The following TAPBP variants were observed in gnomAD, a reference collection of about 807,000 sequenced individuals.
TAPBP encodes the protein tapasin.
In TAPBP, 38 loss-of-function variants were observed where a neutral mutation model predicts 45.7. The ratio of observed to expected loss-of-function variants is 0.83; its 90% CI spans 0.64 to 1.09. The LOEUF is 1.09. Ranked by LOEUF, TAPBP falls within the 50% of genes least tolerant of loss-of-function variation. The pLI, the probability that TAPBP is intolerant of heterozygous loss-of-function variation, is 0.00. For missense variants in TAPBP, 513 were observed against 587.3 expected (o/e 0.87, Z 1.31); for synonymous variants, 226 against 254.8 (o/e 0.89, Z 1.08).
rs1398761766 is a variant in TAPBP at position 33,301,028 on chromosome 6, A to G, written c.*732T>C. The stretch of plus-strand genomic sequence containing the variant: ...CTATAAGTGTACAGTGGAGTTTTTC[A>G]GAAGCTACATGATATGTATTGACAC... On this transcript the variant is annotated 3_prime_UTR_variant, in exon 8 of 8. Coordinates refer to ENST00000434618, the MANE Select transcript of TAPBP (RefSeq NM_003190.5). 1 of 151,836 alleles carries G rather than the reference A, an allele frequency of 6.6e-6. No homozygotes were observed. Among genetic ancestry groups the G allele is most frequent in the East Asian group, 1.9e-4 (1 of 5,180 alleles). 9.4% of individuals were successfully genotyped at this position (151,836 alleles called of 1,614,324 possible).
chr6:33,311,829 T>A (rs1769363949), intron 3 of TAPBP, among the ~76,000 whole-genome samples: 1 of 152,094 alleles, frequency 6.6e-6, no homozygotes, highest in African/African-American at 2.4e-5. Context: ...AGAGTCTACA[T>A]CAGATCATCT....
rs1768462742 is a variant in TAPBP at position 33,300,391 on chromosome 6, G to T, written c.*1369C>A. The T allele has an allele frequency of 6.6e-6, 1 of 152,438 alleles. No individual in the cohort carries two copies. Among genetic ancestry groups the T allele is most frequent in the Non-Finnish European group, 1.5e-5 (1 of 68,130 alleles). The allele number at this position is 152,438 out of a possible 1,614,324, so 9.4% of individuals were successfully genotyped here. On this transcript the variant is annotated 3_prime_UTR_variant, in exon 8 of 8. Coordinates refer to ENST00000434618, the MANE Select transcript of TAPBP (RefSeq NM_003190.5). ...ATATCGTGTTTCGCCGCCGGGCGCG[G>T]TGGCTCACGCCTGTAATCCCAGCAC...
rs1193229051 is a variant in TAPBP, at chr6:33,305,363, G to C, written c.494C>G (p.Thr165Ser). The part of the protein sequence containing the change: ...ATVVLTVLTH[T>S]PAPRVRLGQD... ...TCCCAGTCTCACTCGAGGGGCAGGG[G>C]TGTGGGTGAGGACAGTCAGTACCAC... Residue 165 changes from threonine to serine, a missense_variant, in exon 4 of 8, where the codon ACC becomes AGC. Physicochemically the swap from Thr to Ser is moderately conservative, Grantham distance 58. Transcript: ENST00000434618. The surrounding 1 kb of genome is among the most constrained non-coding windows in gnomAD (Gnocchi z 4.4). 6.5e-7 allele frequency: 1 copy of C among 1,533,126 alleles called. No individual in the cohort carries two copies. The highest frequency in any genetic ancestry group is 1.3e-5 in the South Asian group (1 of 76,988). The allele number at this position is 1,533,126 out of a possible 1,614,324, so 95.0% of individuals were successfully genotyped here. A position where few individuals can be genotyped will look rare whatever the true frequency, so the allele number is the denominator to read the frequency against.
rs1393648008 is a variant in TAPBP at position 33,304,157 on chromosome 6, A to T, written c.1271T>A (p.Leu424His). The T allele has an allele frequency of 3.7e-6, 6 of 1,613,322 alleles. No homozygotes were observed. The South Asian group carries it at 5.5e-5, about 15-fold the overall frequency. Residue 424 changes from leucine (L) to histidine (H), a missense_variant, in exon 6 of 8, where the codon CTT becomes CAT. Coordinates refer to ENST00000434618, the MANE Select transcript of TAPBP (RefSeq NM_003190.5). Reference protein sequence around the residue: ...VGLFLSAFLLLGLFKALGWAA... With the variant: ...VGLFLSAFLLHGLFKALGWAA... ...CCAGCCCAGTGCCTTGAAGAGCCCA[A>T]GCAGAAGAAAGGCAGACAGGAAAAG...
chr6:33,313,633 G>C lies in TAPBP; in HGVS notation c.208+61C>G, dbSNP rs1769537864. 4 of 1,575,946 alleles carry C rather than the reference G, an allele frequency of 2.5e-6. No individual in the cohort carries two copies. In the Admixed American group the frequency reaches 5.3e-5, roughly 21 times the overall value. On this transcript the variant is annotated intron_variant, in intron 2 of 7. Coordinates refer to ENST00000434618, the MANE Select transcript of TAPBP (RefSeq NM_003190.5). This position sits in a 1 kb window ranked among gnomAD's most constrained non-coding sequence, Gnocchi z 7.2. Reference sequence around the variant, plus strand: ...GCCTGAGGTCACTGCCGGATCTAAAGAGGAGGGGGTTTCGGTGGAGGCGAC... The same window carrying C: ...GCCTGAGGTCACTGCCGGATCTAAACAGGAGGGGGTTTCGGTGGAGGCGAC...
In TAPBP at chr6:33,301,762, ACT is replaced by A. The variant is rs1768606092; in HGVS notation, c.1343_1344del (p.Glu448ValfsTer24). On this transcript the variant is annotated frameshift_variant, in exon 8 of 8. Transcript: ENST00000434618. LOFTEE classifies it high-confidence loss of function. Reference protein sequence around the residue: ...STCKDSKKKAE With the variant: ...STCKDSKKKAX ...CCACAGGATGGCAGTGAGTGCCCTC[ACT>A]CTGCTTTCTGGAAGAGAGGAAGGTG... 1.2e-6 allele frequency: 2 copies of A among 1,613,920 alleles called. No homozygotes were observed. The highest frequency in any genetic ancestry group is 2.2e-5 in the East Asian group (1 of 44,898).
At chr6:33,310,379 G>A (rs920473980) in intron 3 of TAPBP, among the ~76,000 whole-genome samples, 1 of 151,264 alleles carries the variant, frequency 6.6e-6, no homozygotes, top group Non-Finnish European at 1.5e-5. Context: ...GGTGGTGGGC[G>A]CCTGTAGTCT....
rs1769553234 is a variant in TAPBP at position 33,313,726 on chromosome 6, T to G, written c.176A>C (p.Asp59Ala). ...QGPGEPPPRP[D>A]LDPELYLSVH... ...ACTGAGATAGAGCTCAGGGTCGAGG[T>G]CCGGCCGGGGCGGCGGTTCCCCCGG... The change falls in exon 2 of 8, where the codon GAC (aspartate) becomes GCC (alanine). Residue 59 changes from aspartate (D) to alanine (A), a missense_variant. Asp to Ala is a moderately radical substitution (Grantham distance 126). Transcript: ENST00000434618. This position sits in a 1 kb window ranked among gnomAD's most constrained non-coding sequence, Gnocchi z 7.2. The G allele has an allele frequency of 3.1e-6, 5 of 1,613,104 alleles. No individual in the cohort carries two copies. The highest frequency in any genetic ancestry group is 4.2e-6 in the Non-Finnish European group (5 of 1,179,858).
rs1768819704 is a variant in TAPBP, at chr6:33,304,519, A to T, written c.988T>A (p.Trp330Arg). The T allele has an allele frequency of 1.2e-6, 2 of 1,612,530 alleles. No homozygotes were observed. The highest frequency in any genetic ancestry group is 2.7e-5 in the African/African-American group (2 of 74,760). Residue 330 changes from tryptophan to arginine, a missense_variant, in exon 5 of 8, where the codon TGG becomes AGG. Transcript: ENST00000434618. ...CCCCCTGGGCCACCCCGGAGTTCCC[A>T]CTCCACCTCCAGGCCCCCAGAAGGG... is the stretch of plus-strand genomic sequence containing the variant. ...FYPSGGLEVE[W>R]ELRGGPGGRS...
intron 3 of TAPBP, among the ~76,000 whole-genome samples, chr6:33,310,752 G>C (rs1301919015): frequency 3.3e-5 from 5 of 151,588 alleles, no homozygotes; most frequent in Non-Finnish European, 5.9e-5. Context: ...CACGGAGGTG[G>C]AGGTTGCAGT....
At position 33,299,938 on chromosome 6, in the gene TAPBP, A is replaced by G. The variant is rs15604; in HGVS notation, c.*1822T>C. 7,090 of 153,462 alleles carry G rather than the reference A, an allele frequency of 0.046. 345 individuals carry two copies. The highest frequency in any genetic ancestry group is 0.12 in the African/African-American group (5,055 of 41,524). The allele number at this position is 153,462 out of a possible 1,614,324, so 9.5% of individuals were successfully genotyped here. A position where few individuals can be genotyped will look rare whatever the true frequency, so the allele number is the denominator to read the frequency against. ...GCCCATGATCCGCGGGGAGACAGGC[A>G]TTTAACGACGACTCACACGATCACT... On this transcript the variant is annotated 3_prime_UTR_variant, in exon 8 of 8. Coordinates refer to ENST00000434618, the MANE Select transcript of TAPBP (RefSeq NM_003190.5). This position sits in a 1 kb window ranked among gnomAD's most constrained non-coding sequence, Gnocchi z 5.0.
chr6:33,303,821 G>C lies in TAPBP; in HGVS notation c.1335+134C>G, dbSNP rs762033111. ...TCCTACAGTTAGGATATAGTGCCAG[G>C]TTTTAACCCAGATCAGTGTGAATTC... On this transcript the variant is annotated intron_variant, in intron 7 of 7. Transcript: ENST00000434618. The C allele has an allele frequency of 1.0e-5, 16 of 1,587,162 alleles. No homozygotes were observed. In the East Asian group the frequency reaches 3.7e-4, roughly 37 times the overall value.
intron 7 of TAPBP, among the ~76,000 whole-genome samples, chr6:33,302,832 G>A (rs1161113163): frequency 6.6e-6 from 1 of 151,502 alleles, no homozygotes; most frequent in Non-Finnish European, 1.5e-5. Context: ...TAGTAGAGAT[G>A]GGGTTTCATC....
chr6:33,306,207 C>G (rs757284216), intron 3 of TAPBP, among the ~76,000 whole-genome samples: 6 of 152,186 alleles, frequency 3.9e-5, no homozygotes, highest in Non-Finnish European at 8.8e-5. Context: ...TATAGTTACA[C>G]CTAACTTAGC....
chr6:33,313,619 C>T lies in TAPBP; in HGVS notation c.208+75G>A. 1 of 1,561,066 alleles carries T rather than the reference C, an allele frequency of 6.4e-7. No homozygotes were observed. The highest frequency in any genetic ancestry group is 8.7e-7 in the Non-Finnish European group (1 of 1,150,738). On this transcript the variant is annotated intron_variant, in intron 2 of 7. Transcript: ENST00000434618. This position sits in a 1 kb window ranked among gnomAD's most constrained non-coding sequence, Gnocchi z 7.2. Reference sequence around the variant, plus strand: ...AAGGGGAAGCTGAGGCCTGAGGTCACTGCCGGATCTAAAGAGGAGGGGGTT... The same window carrying T: ...AAGGGGAAGCTGAGGCCTGAGGTCATTGCCGGATCTAAAGAGGAGGGGGTT...
chr6:33,312,728 C>A (rs3106191), intron 3 of TAPBP, among the ~76,000 whole-genome samples: 35,877 of 152,192 alleles, frequency 0.24, 5,351 homozygotes, highest in South Asian at 0.31. Flanking sequence ...CTTTGCTTTG[C>A]GGATTGCCGC....
At position 33,301,382 on chromosome 6, in the gene TAPBP, T is replaced by G. The variant is rs1412796042; in HGVS notation, c.*378A>C. On this transcript the variant is annotated 3_prime_UTR_variant, in exon 8 of 8. Transcript: ENST00000434618. ...TGAGGTCAGGAATTCAAGACCAGCC[T>G]GGCCAACATGGTGAAACCCCGTCTC... 2 of 207,194 alleles carry G rather than the reference T, an allele frequency of 9.7e-6. No individual in the cohort carries two copies. The highest frequency in any genetic ancestry group is 2.0e-5 in the Non-Finnish European group (2 of 101,242). The allele number at this position is 207,194 out of a possible 1,614,324, so 12.8% of individuals were successfully genotyped here.
Position 33,313,103 on chromosome 6 carries a change from G to T in TAPBP, c.469+114C>A. On this transcript the variant is annotated intron_variant, in intron 3 of 7. Transcript: ENST00000434618. The surrounding 1 kb of genome is among the most constrained non-coding windows in gnomAD (Gnocchi z 7.2). ...CAAACCACCTCTCTTAACAAAAAAA[G>T]GAAACTGAACCCCGATTGGCGAAAT... 7.8e-7 allele frequency: 1 copy of T among 1,289,878 alleles called. No individual in the cohort carries two copies. Among genetic ancestry groups the T allele is most frequent in the Non-Finnish European group, 1.1e-6 (1 of 937,662 alleles). 79.9% of individuals were successfully genotyped at this position (1,289,878 alleles called of 1,614,324 possible).
rs1581757599 is a variant in TAPBP, at chr6:33,313,198, A to T, written c.469+19T>A. 1 of 1,593,530 alleles carries T rather than the reference A, an allele frequency of 6.3e-7. No individual in the cohort carries two copies. Among genetic ancestry groups the T allele is most frequent in the South Asian group, 1.1e-5 (1 of 90,318 alleles). On this transcript the variant is annotated intron_variant, in intron 3 of 7. Coordinates refer to ENST00000434618, the MANE Select transcript of TAPBP (RefSeq NM_003190.5). The surrounding 1 kb of genome is among the most constrained non-coding windows in gnomAD (Gnocchi z 7.2). The stretch of plus-strand genomic sequence containing the variant: ...CCTTAGAATCTACCCACCCTTCTCC[A>T]CCTCCCCTCCCCAGCTACCTGTTGC...
Sources: allele counts gnomAD v4.1 joint callset (sites outside exome capture counted in the v4.1 genomes callset), GRCh38; gene constraint gnomAD v4.1.1; non-coding constraint Gnocchi (gnomAD v3.1); transcripts MANE v1.5; gene names NCBI Gene and HGNC (gene_info 2026-07-23, HGNC 2026-07-21).